The following ADAMTS3 variants were observed in gnomAD, a reference collection of about 807,000 sequenced individuals.
The protein encoded by ADAMTS3 is A disintegrin and metalloproteinase with thrombospondin motifs 3.
In ADAMTS3, 73 loss-of-function variants were observed where a neutral mutation model predicts 129.0. The ratio of observed to expected loss-of-function variants is 0.57; its 90% CI spans 0.47 to 0.69. ADAMTS3 has a LOEUF of 0.69. Among genes scored for constraint, ADAMTS3 ranks in the 30% least tolerant of loss-of-function variants. The probability of loss-of-function intolerance (pLI) is 0.00; values close to 1 mark genes in which losing one functional copy is unlikely to be tolerated. For synonymous variants in ADAMTS3, 477 were observed against 510.8 expected, an observed-to-expected ratio of 0.93 and a Z score of 0.89; for missense variants, 1,457 against 1,514.5, an observed-to-expected ratio of 0.96 and a Z score of 0.63.
In ADAMTS3 at chr4:72,562,474, A is replaced by T. The variant is rs74382008; in HGVS notation, c.97+4900T>A. ...GAAAATAAATACTGTTAGGAAAATG[A>T]TTATACAAATTAGAGTTTATTAGTA... On this transcript the variant is annotated intron_variant, in intron 2 of 21. Coordinates refer to ENST00000286657, the MANE Select transcript of ADAMTS3 (RefSeq NM_014243.3). 8.5e-5 allele frequency among the ~76,000 whole-genome samples: 13 copies of T among 152,326 alleles called. No individual in the cohort carries two copies. In the East Asian group the frequency reaches 2.5e-3, roughly 29 times the overall value.
chr4:72,364,792 T>C (rs1415010277), intron 4 of ADAMTS3, among the ~76,000 whole-genome samples: 1 of 152,138 alleles, frequency 6.6e-6, no homozygotes, highest in African/African-American at 2.4e-5. Context: ...ACTCACTCTG[T>C]TGCCCAGGCT....
At chr4:72,466,888 G>A (rs553249945) in intron 3 of ADAMTS3, among the ~76,000 whole-genome samples, 155 of 152,072 alleles carry the variant, frequency 1.0e-3, no homozygotes, top group African/African-American at 3.3e-3. Flanking sequence ...CCAGCTATGC[G>A]GTCTTAGTTA....
intron 4 of ADAMTS3, among the ~76,000 whole-genome samples, chr4:72,369,001 A>G (rs1453783224): frequency 6.6e-6 from 1 of 152,228 alleles, no homozygotes; most frequent in Non-Finnish European, 1.5e-5. Context: ...CACTGCTTTC[A>G]TGCAATTAAA....
rs1722043208 is a variant in ADAMTS3 at position 72,567,392 on chromosome 4, C to T, written c.79G>A (p.Glu27Lys). The T allele has an allele frequency of 3.1e-6, 5 of 1,596,390 alleles. No individual in the cohort carries two copies. The African/African-American group carries it at 6.9e-5, about 22-fold the overall frequency. The part of the protein sequence containing the change: ...RTSADGQAGN[E>K]EMVQIDLPIK... ...AGCTTACCTATTTGCACCATTTCTT[C>T]ATTACCAGCCTGGAAAGGAGGGGGA... Residue 27 changes from glutamate (E) to lysine (K), a missense_variant, in exon 2 of 22, where the codon GAA becomes AAA. Transcript: ENST00000286657.
At chr4:72,290,207 G>A (rs1414882544) in intron 20 of ADAMTS3, among the ~76,000 whole-genome samples, 1 of 152,216 alleles carries the variant, frequency 6.6e-6, no homozygotes, top group East Asian at 1.9e-4. Flanking sequence ...CTATTTTTGA[G>A]AAATGTGTGT....
intron 3 of ADAMTS3, among the ~76,000 whole-genome samples, chr4:72,539,070 AATAT>A (rs941891490): frequency 2.0e-5 from 3 of 152,080 alleles, no homozygotes; most frequent in Non-Finnish European, 4.4e-5. Context: ...CTTGTTAAAA[AATAT>A]ATATATAGGG....
In ADAMTS3 at chr4:72,399,849, G is replaced by A. The variant is rs1433884434; in HGVS notation, c.661+14966C>T. ...TACGTGTGTATATATATACACACAC[G>A]GTGTGTATATACGTGTGTATATATA... On this transcript the variant is annotated intron_variant, in intron 4 of 21. Transcript: ENST00000286657. Among the ~76,000 whole-genome samples, 12 of 84,912 alleles carry A rather than the reference G, an allele frequency of 1.4e-4. 1 individual carries two copies. Among genetic ancestry groups the A allele is most frequent in the Non-Finnish European group, 2.5e-4 (11 of 44,162 alleles). The allele number at this position is 84,912 out of a possible 152,430, so 55.7% of individuals were successfully genotyped here.
At chr4:72,493,484 T>C (rs984415885) in intron 3 of ADAMTS3, among the ~76,000 whole-genome samples, 2 of 152,164 alleles carry the variant, frequency 1.3e-5, no homozygotes, top group African/African-American at 2.4e-5. Context: ...TCTAATCTCA[T>C]ACAAAAACAC....
chr4:72,335,384 T>C (rs765709175), intron 5 of ADAMTS3, among the ~76,000 whole-genome samples: 1 of 152,166 alleles, frequency 6.6e-6, no homozygotes, highest in Non-Finnish European at 1.5e-5. Context: ...AGATTAAATA[T>C]ATTTGTATCC....
At chr4:72,355,142 A>AT (rs368895834) in intron 4 of ADAMTS3, among the ~76,000 whole-genome samples, 3,929 of 149,270 alleles carry the variant, frequency 0.026, 176 homozygotes, top group African/African-American at 0.091. Context: ...TAGTCTACTC[A>AT]TTTTTTTTTG....
At chr4:72,299,153 C>G (rs921233036) in intron 17 of ADAMTS3, among the ~76,000 whole-genome samples, 1 of 150,220 alleles carries the variant, frequency 6.7e-6, no homozygotes, top group African/African-American at 2.5e-5. Flanking sequence ...ATGCACATTT[C>G]TCAAAATATT....
At chr4:72,351,307 T>A (rs1278661554) in intron 4 of ADAMTS3, among the ~76,000 whole-genome samples, 1 of 151,956 alleles carries the variant, frequency 6.6e-6, no homozygotes, top group Non-Finnish European at 1.5e-5. Context: ...TTTACAGGCA[T>A]GTTACAGGGT....
At chr4:72,518,097 C>T (rs955451286) in intron 3 of ADAMTS3, among the ~76,000 whole-genome samples, 1 of 152,106 alleles carries the variant, frequency 6.6e-6, no homozygotes, top group Non-Finnish European at 1.5e-5. Context: ...ATTATATACC[C>T]AGTAGTCATT....
rs943279598 is a variant in ADAMTS3, at chr4:72,281,712, C to G, written c.*1424G>C. The G allele has an allele frequency of 1.3e-5, 2 of 152,056 alleles. No individual in the cohort carries two copies. The highest frequency in any genetic ancestry group is 3.9e-4 in the East Asian group (2 of 5,186). The allele number at this position is 152,056 out of a possible 1,614,324, so 9.4% of individuals were successfully genotyped here. The stretch of plus-strand genomic sequence containing the variant: ...GCTGTAGTAGTTTGCTTAAAGGTCT[C>G]TATGCACAGAACAAAGCATGCATCT... On this transcript the variant is annotated 3_prime_UTR_variant, in exon 22 of 22. Coordinates refer to ENST00000286657, the MANE Select transcript of ADAMTS3 (RefSeq NM_014243.3).
At chr4:72,537,626 A>T (rs1721214956) in intron 3 of ADAMTS3, among the ~76,000 whole-genome samples, 1 of 152,158 alleles carries the variant, frequency 6.6e-6, no homozygotes, top group South Asian at 2.1e-4. Context: ...AACAACAACA[A>T]CAACAAAGCA....
intron 2 of ADAMTS3, among the ~76,000 whole-genome samples, chr4:72,561,789 C>G (rs1721910680): frequency 6.6e-6 from 1 of 152,148 alleles, no homozygotes. Flanking sequence ...GCAAGGTATA[C>G]CTTTTCATGC....
chr4:72,334,506 A>G (rs540775189), intron 5 of ADAMTS3, among the ~76,000 whole-genome samples: 1 of 152,174 alleles, frequency 6.6e-6, no homozygotes, highest in South Asian at 2.1e-4. Flanking sequence ...TTGGGTTGAT[A>G]ATTATGGACC....
chr4:72,367,730 G>A (rs1332231603), intron 4 of ADAMTS3, among the ~76,000 whole-genome samples: 1 of 151,986 alleles, frequency 6.6e-6, no homozygotes, highest in Non-Finnish European at 1.5e-5. Context: ...GGCGCCTGTA[G>A]TCCCAGCTAC....
chr4:72,312,281 G>A lies in ADAMTS3; in HGVS notation c.1921+10C>T. On this transcript the variant is annotated intron_variant, in intron 13 of 21. Transcript: ENST00000286657. ...CCACACAGCAGGAAGGAGAGCACGA[G>A]GCTACTCACGGTCAGGATGTTCATA... 1 of 1,613,336 alleles carries A rather than the reference G, an allele frequency of 6.2e-7. No individual in the cohort carries two copies.
Sources: allele counts gnomAD v4.1 joint callset (sites outside exome capture counted in the v4.1 genomes callset), GRCh38; gene constraint gnomAD v4.1.1; transcripts MANE v1.5; gene names NCBI Gene and HGNC (gene_info 2026-07-23, HGNC 2026-07-21).